HPS1: variants seen among roughly 807,000 people sequenced by gnomAD.
The protein encoded by HPS1 is HPS1 biogenesis of lysosomal organelles complex 3 subunit 1.
A neutral mutation model predicts 90.6 loss-of-function variants in HPS1; 59 were observed. The ratio of observed to expected loss-of-function variants is 0.65; its 90% CI spans 0.53 to 0.81. HPS1 has a LOEUF of 0.81. HPS1 is among the 30% of genes least tolerant of loss of function. HPS1 has a pLI of 0.00. For synonymous variants in HPS1, 388 were observed against 384.4 expected, an observed-to-expected ratio of 1.01 and a Z score of -0.11; for missense variants, 849 against 896.7, an observed-to-expected ratio of 0.95 and a Z score of 0.68.
At chr10:98,427,664 C>T (rs991729800) in intron 10 of HPS1, among the ~76,000 whole-genome samples, 1 of 152,022 alleles carries the variant, frequency 6.6e-6, no homozygotes, top group African/African-American at 2.4e-5. Flanking sequence ...TCAGCACACA[C>T]AGTCCACGTT....
At position 98,429,485 on chromosome 10, in the gene HPS1, G is replaced by A. The variant is rs34533614; in HGVS notation, c.937+88C>T. 214,718 of 1,606,652 alleles carry A rather than the reference G, an allele frequency of 0.13. 14,598 individuals carry two copies. Among genetic ancestry groups the A allele is most frequent in the East Asian group, 0.19 (8,382 of 44,750 alleles). On this transcript the variant is annotated intron_variant, in intron 10 of 19. Transcript: ENST00000361490. ...TGCACTCAAGCCTTAGGAGGCACGG[G>A]GGTCCACTGGAGCCTAAGACAGATG...
rs1445565577 is a variant in HPS1 at position 98,446,925 on chromosome 10, C to G, written c.-224G>C. The G allele has an allele frequency of 6.6e-6, 1 of 152,184 alleles. No homozygotes were observed. Among genetic ancestry groups the G allele is most frequent in the South Asian group, 2.1e-4 (1 of 4,838 alleles). 9.4% of individuals were successfully genotyped at this position (152,184 alleles called of 1,614,324 possible). A position where few individuals can be genotyped will look rare whatever the true frequency, so the allele number is the denominator to read the frequency against. ...GCACAGCGCCCCGCCTGCAGGAGCC[C>G]GGGCGCGCTTCCGGGTAGGACCGCG... On this transcript the variant is annotated 5_prime_UTR_variant, in exon 1 of 20. Coordinates refer to ENST00000361490, the MANE Select transcript of HPS1 (RefSeq NM_000195.5).
intron 2 of HPS1, among the ~76,000 whole-genome samples, chr10:98,444,585 C>T (rs1939125860): frequency 6.6e-6 from 1 of 152,232 alleles, no homozygotes. Context: ...GTAACTCTCA[C>T]ACAAGTGGAT....
At chr10:98,444,039 AAAACAAAC>A (rs144071027) in intron 2 of HPS1, among the ~76,000 whole-genome samples, 20 of 150,014 alleles carry the variant, frequency 1.3e-4, no homozygotes, top group African/African-American at 2.5e-4. Context: ...TCTGTCTGAA[AAAACAAAC>A]AAACAAACAA....
rs995101971 is a variant in HPS1 at position 98,431,198 on chromosome 10, G to T, written c.601C>A (p.Arg201=). ...VIQAVNTSPE[R]GGEEALHAFL... ...GCATGCAGGGCCTCCTCGCCTCCCCGCTCGGGGCTGGTGTTGACAGCCTGG... is the reference window on the plus strand; with the variant it reads ...GCATGCAGGGCCTCCTCGCCTCCCCTCTCGGGGCTGGTGTTGACAGCCTGG... The change falls in exon 7 of 20, where the codon CGG becomes AGG. Residue 201 remains arginine, a synonymous_variant. Coordinates refer to ENST00000361490, the MANE Select transcript of HPS1 (RefSeq NM_000195.5). 1 of 1,614,054 alleles carries T rather than the reference G, an allele frequency of 6.2e-7. No homozygotes were observed. Among genetic ancestry groups the T allele is most frequent in the Admixed American group, 1.7e-5 (1 of 60,020 alleles).
chr10:98,423,944 C>A, intron 14 of HPS1, 57 bp from the exon 15 acceptor site: 2 of 1,599,530 alleles, frequency 1.3e-6, no homozygotes, highest in African/African-American at 1.3e-5. Flanking sequence ...GCCCCTCGCC[C>A]TGTGTGGACC....
chr10:98,429,479 G>A (rs1458380863), intron 10 of HPS1, 94 bp downstream of exon 10: 11 of 1,603,154 alleles, frequency 6.9e-6, no homozygotes, highest in Non-Finnish European at 6.8e-6. Context: ...GCCTTAGGAG[G>A]CACGGGGGTC....
chr10:98,419,570 G>A (rs1197117774), intron 18 of HPS1, among the ~76,000 whole-genome samples: 4 of 152,164 alleles, frequency 2.6e-5, no homozygotes, highest in African/African-American at 9.6e-5. Flanking sequence ...AAGAAGCAGT[G>A]CAGGGCCTGG....
In HPS1 at chr10:98,442,969, G is replaced by A. The variant is rs1591159738; in HGVS notation, c.117+155C>T. ...ATCAAGAGGCCAACCTTGAGGATAA[G>A]GGTCTAGGTGTGAAGGATGCTGGAC... On this transcript the variant is annotated intron_variant, in intron 3 of 19. Transcript: ENST00000361490. The A allele has an allele frequency of 1.1e-5, 8 of 737,184 alleles. No homozygotes were observed. In the East Asian group the frequency reaches 1.7e-4, roughly 16 times the overall value. 45.7% of individuals were successfully genotyped at this position (737,184 alleles called of 1,614,324 possible). A position where few individuals can be genotyped will look rare whatever the true frequency, so the allele number is the denominator to read the frequency against.
At chr10:98,434,234 G>A (rs1208840263) in intron 5 of HPS1, 143 bp from the exon 6 acceptor site, 1 of 827,412 alleles carries the variant, frequency 1.2e-6, no homozygotes, top group Non-Finnish European at 1.8e-6. Context: ...AAGGGGGCCA[G>A]GTTTCCGGCC....
chr10:98,426,919 G>A (rs1845682674), intron 11 of HPS1, among the ~76,000 whole-genome samples: 1 of 151,010 alleles, frequency 6.6e-6, no homozygotes, highest in African/African-American at 2.5e-5. Flanking sequence ...AAATATACAT[G>A]CTCACTTAAA....
chr10:98,418,666 G>T (rs550894532), intron 18 of HPS1, among the ~76,000 whole-genome samples: 2 of 152,370 alleles, frequency 1.3e-5, no homozygotes, highest in African/African-American at 4.8e-5. Flanking sequence ...TGGACGTGCC[G>T]TGTGTGCCAG....
At position 98,430,584 on chromosome 10, in the gene HPS1, T is replaced by G. The variant is rs755023956; in HGVS notation, c.755A>C (p.Glu252Ala). The change falls in exon 8 of 20, where the codon GAG becomes GCG. Residue 252 changes from glutamate to alanine, a missense_variant. Coordinates refer to ENST00000361490, the MANE Select transcript of HPS1 (RefSeq NM_000195.5). ...CTGCCCTGAGACCTGAATGTCGTCC[T>G]CTGCTGTGCTCTCGCTGGGGTAGAG... ...QDLYPSESTA[E>A]DDIQPSPRRA... The G allele has an allele frequency of 6.4e-7, 1 of 1,553,486 alleles. No homozygotes were observed. Among genetic ancestry groups the G allele is most frequent in the Admixed American group, 2.0e-5 (1 of 51,204 alleles).
rs1441038767 is a variant in HPS1 at position 98,443,244 on chromosome 10, C to T, written c.1-4G>A. ...TGGCCACCAAGACGCACTTCATCTG[C>T]CAGGGAAAGGCAAGGTCAAGGTCAG... On this transcript the variant is annotated splice_polypyrimidine_tract_variant and splice_region_variant and intron_variant, in intron 2 of 19. Coordinates refer to ENST00000361490, the MANE Select transcript of HPS1 (RefSeq NM_000195.5). The T allele has an allele frequency of 6.2e-7, 1 of 1,610,708 alleles. No individual in the cohort carries two copies. Among genetic ancestry groups the T allele is most frequent in the African/African-American group, 1.3e-5 (1 of 74,824 alleles).
intron 10 of HPS1, 57 bp from the exon 11 acceptor site, chr10:98,427,321 C>T: frequency 7.0e-7 from 1 of 1,435,156 alleles, no homozygotes; most frequent in African/African-American, 1.4e-5. Flanking sequence ...TAAGCAATGG[C>T]TCAACAGCAT....
intron 17 of HPS1, among the ~76,000 whole-genome samples, chr10:98,420,627 G>T (rs1245339571): frequency 6.6e-6 from 1 of 152,032 alleles, no homozygotes; most frequent in Non-Finnish European, 1.5e-5. Flanking sequence ...GAGATGAGAG[G>T]ATCGCTTGAG....
chr10:98,446,593 C>T (rs1939622189), intron 1 of HPS1, among the ~76,000 whole-genome samples: 1 of 152,200 alleles, frequency 6.6e-6, no homozygotes, highest in African/African-American at 2.4e-5. Flanking sequence ...TTGCCTAGCA[C>T]GCCAGTTTCT....
At chr10:98,434,682 T>A (rs1216708222) in intron 5 of HPS1, among the ~76,000 whole-genome samples, 11 of 151,978 alleles carry the variant, frequency 7.2e-5, no homozygotes, top group Admixed American at 7.2e-4. Context: ...TCTTAGAGAA[T>A]CAGGGGGTGG....
At chr10:98,432,755 A>G (rs932269891) in intron 6 of HPS1, among the ~76,000 whole-genome samples, 11 of 152,112 alleles carry the variant, frequency 7.2e-5, no homozygotes, top group Admixed American at 3.9e-4. Flanking sequence ...GTGCCTTGGG[A>G]TCTAAATCTG....
Sources: allele counts gnomAD v4.1 joint callset (sites outside exome capture counted in the v4.1 genomes callset), GRCh38; gene constraint gnomAD v4.1.1; transcripts MANE v1.5; gene names NCBI Gene and HGNC (gene_info 2026-07-23, HGNC 2026-07-21).